The following LUZP2 variants were observed in gnomAD, a reference collection of about 807,000 sequenced individuals.
LUZP2 encodes the protein leucine zipper protein 2.
A neutral mutation model predicts 51.6 loss-of-function variants in LUZP2; 52 were observed. The ratio of observed to expected loss-of-function variants is 1.01; its 90% CI spans 0.81 to 1.27. LUZP2 has a LOEUF of 1.27. Among genes scored for constraint, LUZP2 ranks in the 50% most tolerant of loss-of-function variants. LUZP2 has a pLI of 0.00. For missense variants in LUZP2, 436 were observed against 395.4 expected, an observed-to-expected ratio of 1.10 and a Z score of -0.87; for synonymous variants, 154 against 137.3, an observed-to-expected ratio of 1.12 and a Z score of -0.85.
At chr11:24,601,922 A>G (rs886480232) in intron 1 of LUZP2, among the ~76,000 whole-genome samples, 136 of 66,002 alleles carry the variant, frequency 2.1e-3, no homozygotes, top group African/African-American at 9.8e-3. Flanking sequence ...GTATATATGT[A>G]TATATATGTA....
intron 7 of LUZP2, among the ~76,000 whole-genome samples, chr11:24,948,326 T>A (rs1327649435): frequency 6.6e-6 from 1 of 151,804 alleles, no homozygotes; most frequent in Admixed American, 6.6e-5. Flanking sequence ...ATTGTCATCA[T>A]ACCTTCATTT....
intron 5 of LUZP2, among the ~76,000 whole-genome samples, chr11:24,896,739 T>G (rs538014315): frequency 6.6e-6 from 1 of 152,194 alleles, no homozygotes; most frequent in African/African-American, 2.4e-5. Context: ...CGGGATCCAC[T>G]AGGGGAAGCC....
At chr11:24,688,456 T>C (rs1856965197) in intron 1 of LUZP2, among the ~76,000 whole-genome samples, 2 of 152,130 alleles carry the variant, frequency 1.3e-5, no homozygotes, top group South Asian at 4.1e-4. Context: ...CTCCTGAAAG[T>C]CTGATAATTG....
At chr11:24,833,620 C>A (rs1239109819) in intron 5 of LUZP2, among the ~76,000 whole-genome samples, 1 of 152,020 alleles carries the variant, frequency 6.6e-6, no homozygotes, top group Non-Finnish European at 1.5e-5. Context: ...GAGCTCCACT[C>A]AGATTAATCG....
chr11:24,565,180 T>G lies in LUZP2; in HGVS notation c.62+67875T>G, dbSNP rs1852175267. Among the ~76,000 whole-genome samples, 10 of 152,282 alleles carry G rather than the reference T, an allele frequency of 6.6e-5. No individual in the cohort carries two copies. In the South Asian group the frequency reaches 2.1e-3, roughly 32 times the overall value. On this transcript the variant is annotated intron_variant, in intron 1 of 11. Transcript: ENST00000336930. Reference sequence around the variant, plus strand: ...GCAGTTGAACATGAGGAAGGCTGGATGTAGTCGCCCTCTGAACTTTGTGTC... The same window carrying G: ...GCAGTTGAACATGAGGAAGGCTGGAGGTAGTCGCCCTCTGAACTTTGTGTC...
At chr11:24,583,291 C>G (rs1360913800) in intron 1 of LUZP2, among the ~76,000 whole-genome samples, 1 of 152,112 alleles carries the variant, frequency 6.6e-6, no homozygotes, top group Non-Finnish European at 1.5e-5. Context: ...AATGTGATTT[C>G]TTAACCAGTT....
In LUZP2 at chr11:24,976,615, CA is replaced by C; in HGVS notation, c.552del (p.Lys184AsnfsTer2). 1.3e-6 allele frequency: 2 copies of C among 1,554,618 alleles called. No individual in the cohort carries two copies. Among genetic ancestry groups the C allele is most frequent in the African/African-American group, 1.6e-5 (1 of 64,256 alleles). Reference protein sequence around the residue: ...FKAQQLTDLEQKLAVAKNELE... With the variant: ...FKAQQLTDLEXKLAVAKNELE... ...GGCGCAGCAGCTTACTGATCTGGAA[CA>C]AAAATTAGCTGTAGCCAAAAATGAA... is the stretch of plus-strand genomic sequence containing the variant. On this transcript the variant is annotated frameshift_variant, in exon 8 of 12. Coordinates refer to ENST00000336930, the MANE Select transcript of LUZP2 (RefSeq NM_001009909.4). LOFTEE classifies it high-confidence loss of function.
At chr11:24,926,466 CGTGTATATATGTGTGTGTATATATAT>C (rs1565119986) in intron 7 of LUZP2, among the ~76,000 whole-genome samples, 1 of 70,494 alleles carries the variant, frequency 1.4e-5, no homozygotes, top group Non-Finnish European at 2.9e-5. Context: ...TATATATATA[CGTGTATATATGTGTGTGTATATATAT>C]GTGTATATAT....
chr11:24,725,737 A>T (rs1305489928), intron 1 of LUZP2, among the ~76,000 whole-genome samples: 2 of 152,178 alleles, frequency 1.3e-5, no homozygotes, highest in Non-Finnish European at 2.9e-5. Flanking sequence ...CTCCAAATTT[A>T]TGTGTTGAAA....
At chr11:25,018,888 G>A (rs1303986189) in intron 9 of LUZP2, among the ~76,000 whole-genome samples, 1 of 152,120 alleles carries the variant, frequency 6.6e-6, no homozygotes, top group Non-Finnish European at 1.5e-5. Context: ...GATTACAGAA[G>A]TAAGCCAATA....
intron 5 of LUZP2, chr11:24,832,064 T>C (rs118042450): frequency 0.013 from 1,968 of 152,486 alleles, 19 homozygotes; most frequent in Middle Eastern, 0.054. Flanking sequence ...AAGAGTAAAA[T>C]ATGAAAGTAC....
intron 9 of LUZP2, among the ~76,000 whole-genome samples, chr11:25,029,737 A>AAC (rs35545389): frequency 3.7e-5 from 1 of 27,064 alleles, no homozygotes; most frequent in Middle Eastern, 0.013. Context: ...ACTCTGTCTC[A>AAC]AAAAAAAAAA....
At chr11:25,008,874 A>G (rs1439911358) in intron 9 of LUZP2, among the ~76,000 whole-genome samples, 1 of 152,064 alleles carries the variant, frequency 6.6e-6, no homozygotes, top group Admixed American at 6.6e-5. Context: ...GGCCTGGGAA[A>G]AATACCATTC....
chr11:24,591,066 G>A (rs1368796309), intron 1 of LUZP2, among the ~76,000 whole-genome samples: 1 of 151,772 alleles, frequency 6.6e-6, no homozygotes, highest in Non-Finnish European at 1.5e-5. Context: ...CTATAATTGT[G>A]CTACTGCACT....
At chr11:24,893,786 ACACAC>A (rs1852934346) in intron 5 of LUZP2, among the ~76,000 whole-genome samples, 1 of 151,822 alleles carries the variant, frequency 6.6e-6, no homozygotes, top group Non-Finnish European at 1.5e-5. Flanking sequence ...ACACACACAC[ACACAC>A]ACACACACGC....
At chr11:24,746,000 C>T (rs939998222) in intron 4 of LUZP2, among the ~76,000 whole-genome samples, 7 of 152,046 alleles carry the variant, frequency 4.6e-5, no homozygotes, top group Admixed American at 4.6e-4. Flanking sequence ...TTCTGCAGTT[C>T]GGTATCTTTT....
intron 5 of LUZP2, among the ~76,000 whole-genome samples, chr11:24,774,362 C>CTCTCTCTCTCTCTCTCTCTCTATATA (rs776739280): frequency 3.9e-5 from 3 of 76,342 alleles, no homozygotes; most frequent in African/African-American, 1.2e-4. Flanking sequence ...CTCTCTCTCT[C>CTCTCTCTCTCTCTCTCTCTCTATATA]TATATATATA....
intron 7 of LUZP2, among the ~76,000 whole-genome samples, chr11:24,973,363 A>G (rs112810824): frequency 6.2e-5 from 1 of 16,006 alleles, no homozygotes; most frequent in Non-Finnish European, 3.0e-4. Flanking sequence ...TATATTTATT[A>G]GTTTTTTTTT....
chr11:24,735,115 A>G (rs1378529288), intron 3 of LUZP2, among the ~76,000 whole-genome samples: 2 of 151,974 alleles, frequency 1.3e-5, no homozygotes, highest in African/African-American at 4.8e-5. Flanking sequence ...TTCAGGGGCT[A>G]TGCTGTGGCC....
Sources: gnomAD v4.1 joint callset for allele counts (sites outside exome capture counted in the v4.1 genomes callset) on GRCh38, gnomAD v4.1.1 for gene constraint, MANE v1.5 for transcripts, NCBI Gene and HGNC (gene_info 2026-07-23, HGNC 2026-07-21) for gene names.